The following MBD5 variants were observed in gnomAD, a reference collection of about 807,000 sequenced individuals.
MBD5 encodes the protein methyl-CpG-binding domain protein 5.
In MBD5, 13 loss-of-function variants were observed where a neutral mutation model predicts 117.3. That is an observed-to-expected ratio of 0.11 (90% CI 0.07 to 0.18). The LOEUF is 0.18. Among genes scored for constraint, MBD5 ranks in the 10% least tolerant of loss-of-function variants. MBD5 has a pLI of 1.00. For synonymous variants in MBD5, 727 were observed against 766.4 expected (o/e 0.95, Z 0.85); for missense variants, 1,879 against 2,093.8 (o/e 0.90, Z 2.00).
At chr2:148,362,235 G>T (rs1703561351) in intron 4 of MBD5, among the ~76,000 whole-genome samples, 1 of 152,212 alleles carries the variant, frequency 6.6e-6, no homozygotes, top group Non-Finnish European at 1.5e-5. Context: ...AAGATCCACT[G>T]GCTTGAAATT....
intron 3 of MBD5, among the ~76,000 whole-genome samples, chr2:148,312,607 G>A (rs1429431968): frequency 6.6e-6 from 1 of 152,094 alleles, no homozygotes; most frequent in Non-Finnish European, 1.5e-5. Flanking sequence ...TGCTCCTTTA[G>A]CTCAGAGGTG....
rs1559010681 is a variant in MBD5 at position 148,296,863 on chromosome 2, A to ATTTTTTTTT, written c.-679-45351_-679-45350insTTTTTTTTT. ...TAAGCATAGTTTGCTTTAGTTCTTC[A>ATTTTTTTTT]ATTTTTTTTTTTTTTTTTTTTGGAG... is the stretch of plus-strand genomic sequence containing the variant. On this transcript the variant is annotated intron_variant, in intron 3 of 13. Transcript: ENST00000642680. Among the ~76,000 whole-genome samples, 169 of 37,596 alleles carry ATTTTTTTTT rather than the reference A, an allele frequency of 4.5e-3. 7 individuals carry two copies. The highest frequency in any genetic ancestry group is 7.3e-3 in the Non-Finnish European group (137 of 18,862). 24.7% of individuals were successfully genotyped at this position (37,596 alleles called of 152,430 possible).
chr2:148,032,702 C>G (rs1185447850), intron 1 of MBD5, among the ~76,000 whole-genome samples: 2 of 152,002 alleles, frequency 1.3e-5, no homozygotes, highest in Non-Finnish European at 2.9e-5. Flanking sequence ...TTAGGTTTAA[C>G]AAGAAAAACC....
rs1416368818 is a variant in MBD5 at position 148,121,282 on chromosome 2, G to A, written c.-924-57418G>A. ...TTGTTAGTGCTAATATACCTTGGTC[G>A]TTATTAAGAATATGCATAATTTATG... On this transcript the variant is annotated intron_variant, in intron 1 of 13. Coordinates refer to ENST00000642680, the MANE Select transcript of MBD5 (RefSeq NM_001378120.1). 4.6e-5 allele frequency among the ~76,000 whole-genome samples: 7 copies of A among 151,974 alleles called. No individual in the cohort carries two copies. In the South Asian group the frequency reaches 8.3e-4, roughly 18 times the overall value.
At chr2:148,119,402 A>G (rs1055306905) in intron 1 of MBD5, among the ~76,000 whole-genome samples, 1 of 152,004 alleles carries the variant, frequency 6.6e-6, no homozygotes, top group Non-Finnish European at 1.5e-5. Context: ...ATGTATTTTG[A>G]TTACAAGTTT....
At chr2:148,426,339 G>T (rs577748625) in intron 4 of MBD5, among the ~76,000 whole-genome samples, 1 of 151,318 alleles carries the variant, frequency 6.6e-6, no homozygotes, top group East Asian at 1.9e-4. Context: ...AGCCCGCATC[G>T]CAAAGTCAAT....
chr2:148,157,479 G>C (rs2105719703), intron 1 of MBD5, among the ~76,000 whole-genome samples: 1 of 152,148 alleles, frequency 6.6e-6, no homozygotes, highest in South Asian at 2.1e-4. Context: ...CTACCTTCTA[G>C]GCACTTCAGA....
intron 1 of MBD5, among the ~76,000 whole-genome samples, chr2:148,060,663 GA>G (rs1329627965): frequency 6.6e-6 from 1 of 152,110 alleles, no homozygotes; most frequent in African/African-American, 2.4e-5. Flanking sequence ...AGGAGAATTG[GA>G]AAAAGCAATT....
chr2:148,268,697 T>A (rs985912125), intron 3 of MBD5, among the ~76,000 whole-genome samples: 1 of 151,668 alleles, frequency 6.6e-6, no homozygotes, highest in Admixed American at 6.6e-5. Flanking sequence ...AAAGTGGATA[T>A]TGGACATTAT....
At chr2:148,259,639 T>C (rs558217782) in intron 3 of MBD5, among the ~76,000 whole-genome samples, 1 of 152,306 alleles carries the variant, frequency 6.6e-6, no homozygotes, top group South Asian at 2.1e-4. Context: ...TGACATGGCT[T>C]TACTCTCTCT....
chr2:148,376,808 T>G (rs1372478650), intron 4 of MBD5, among the ~76,000 whole-genome samples: 11 of 121,972 alleles, frequency 9.0e-5, no homozygotes, highest in Non-Finnish European at 1.8e-4. Context: ...TTATATATAA[T>G]ATTATAATTT....
intron 2 of MBD5, among the ~76,000 whole-genome samples, chr2:148,228,518 T>G (rs1013593490): frequency 2.0e-4 from 30 of 152,320 alleles, no homozygotes; most frequent in African/African-American, 6.5e-4. Flanking sequence ...TTTGCCAGTA[T>G]TTTATTGAGG....
chr2:148,238,957 C>G (rs1357042032), intron 3 of MBD5, among the ~76,000 whole-genome samples: 16 of 151,538 alleles, frequency 1.1e-4, no homozygotes, highest in Admixed American at 1.1e-3. Flanking sequence ...AGGACTTGAA[C>G]ATATTTTTGG....
At chr2:148,171,608 G>T (rs1006987456) in intron 1 of MBD5, among the ~76,000 whole-genome samples, 5 of 152,162 alleles carry the variant, frequency 3.3e-5, no homozygotes, top group Admixed American at 3.3e-4. Flanking sequence ...AGTACTGGAA[G>T]TCCTAGCCAG....
At chr2:148,427,366 G>A (rs1051968689) in intron 4 of MBD5, among the ~76,000 whole-genome samples, 49 of 152,012 alleles carry the variant, frequency 3.2e-4, no homozygotes, top group Non-Finnish European at 5.4e-4. Context: ...TGTTTACTGC[G>A]GCACTATTCA....
At chr2:148,494,831 C>T (rs572880456) in intron 11 of MBD5, among the ~76,000 whole-genome samples, 71 of 152,150 alleles carry the variant, frequency 4.7e-4, no homozygotes, top group South Asian at 1.0e-3. Context: ...GGGGTGGTGG[C>T]GGGTGCCTGT....
At chr2:148,038,520 CAA>C (rs59293929) in intron 1 of MBD5, among the ~76,000 whole-genome samples, 21 of 83,184 alleles carry the variant, frequency 2.5e-4, no homozygotes, top group Admixed American at 5.2e-4. Flanking sequence ...TGATTGCTGA[CAA>C]AAAAAAAAAA....
intron 4 of MBD5, among the ~76,000 whole-genome samples, chr2:148,413,807 G>A (rs981624606): frequency 6.6e-6 from 1 of 151,330 alleles, no homozygotes. Context: ...TGTGGAGTTG[G>A]TGGTAATGTC....
intron 3 of MBD5, among the ~76,000 whole-genome samples, chr2:148,238,267 C>T (rs1700133667): frequency 6.6e-6 from 1 of 152,144 alleles, no homozygotes; most frequent in Admixed American, 6.6e-5. Context: ...CCAGAAACCA[C>T]ATTAGAAAAC....
Sources: gnomAD v4.1 joint callset for allele counts (sites outside exome capture counted in the v4.1 genomes callset) on GRCh38, gnomAD v4.1.1 for gene constraint, MANE v1.5 for transcripts, NCBI Gene and HGNC (gene_info 2026-07-23, HGNC 2026-07-21) for gene names.